LCMT2: variants seen among roughly 807,000 people sequenced by gnomAD.
LCMT2 encodes leucine carboxyl methyltransferase 2.
A neutral mutation model predicts 42.0 loss-of-function variants in LCMT2; 34 were observed. That is an observed-to-expected ratio of 0.81 (90% CI 0.62 to 1.08). The LOEUF (loss-of-function observed/expected upper bound fraction) is 1.08, where lower values mean the gene tolerates loss of function less well. LCMT2 is among the 50% of genes least tolerant of loss of function. The probability of loss-of-function intolerance (pLI) is 0.00; values close to 1 mark genes in which losing one functional copy is unlikely to be tolerated. For missense variants in LCMT2, 1,091 were observed against 889.4 expected (o/e 1.23, Z -2.88); for synonymous variants, 445 against 369.5 (o/e 1.20, Z -2.34).
Position 43,328,113 on chromosome 15 carries a change from A to G in LCMT2, c.*316T>C, listed in dbSNP as rs180784740. The G allele has an allele frequency of 1.4e-4, 35 of 254,020 alleles. 1 individual carries two copies. The East Asian group carries it at 2.7e-3, about 20-fold the overall frequency. The allele number at this position is 254,020 out of a possible 1,614,324, so 15.7% of individuals were successfully genotyped here. On this transcript the variant is annotated 3_prime_UTR_variant, in exon 1 of 1. Coordinates refer to ENST00000305641, the MANE Select transcript of LCMT2 (RefSeq NM_014793.5). ...TTTCTAAGGTACCATCTCAAATCAC[A>G]AGGCCTGGGATTGGGAAATTGTTTT...
rs761233531 is a variant in LCMT2 at position 43,327,379 on chromosome 15, T to C, written c.*1050A>G. ...TCACATGTTGTCAATAGCTACCACATTGGACAGTACAGTTCAGGTCTAGCA... is the reference window on the plus strand; with the variant it reads ...TCACATGTTGTCAATAGCTACCACACTGGACAGTACAGTTCAGGTCTAGCA... On this transcript the variant is annotated 3_prime_UTR_variant, in exon 1 of 1. Transcript: ENST00000305641. 2.0e-5 allele frequency: 3 copies of C among 152,252 alleles called. No homozygotes were observed. Among genetic ancestry groups the C allele is most frequent in the Non-Finnish European group, 4.4e-5 (3 of 68,052 alleles). 9.4% of individuals were successfully genotyped at this position (152,252 alleles called of 1,614,324 possible).
rs1013473130 is a variant in LCMT2, at chr15:43,330,349, G to T, written c.141C>A (p.Arg47=). 1 of 1,601,890 alleles carries T rather than the reference G, an allele frequency of 6.2e-7. No homozygotes were observed. The highest frequency in any genetic ancestry group is 8.5e-7 in the Non-Finnish European group (1 of 1,178,000). Residue 47 remains arginine, a synonymous_variant, in exon 1 of 1, where the codon CGC becomes CGA. Coordinates refer to ENST00000305641, the MANE Select transcript of LCMT2 (RefSeq NM_014793.5). Reference sequence around the variant, plus strand: ...AGCCTCGGTGAATGAGCGGTGCGCGGCGCGCCGCGCCCGGAACCAGCAACG... The same window carrying T: ...AGCCTCGGTGAATGAGCGGTGCGCGTCGCGCCGCGCCCGGAACCAGCAACG... ...FAALLVPGAA[R]RAPLIHRGYY...
Position 43,327,442 on chromosome 15 carries a change from T to C in LCMT2, c.*987A>G, listed in dbSNP as rs1454178465. On this transcript the variant is annotated 3_prime_UTR_variant, in exon 1 of 1. Coordinates refer to ENST00000305641, the MANE Select transcript of LCMT2 (RefSeq NM_014793.5). Reference sequence around the variant, plus strand: ...AACTCCTAGGCCTGAAAAGGTGAAGTAAAGGAACAATTACTGAAACCTGGG... The same window carrying C: ...AACTCCTAGGCCTGAAAAGGTGAAGCAAAGGAACAATTACTGAAACCTGGG... 1 of 152,150 alleles carries C rather than the reference T, an allele frequency of 6.6e-6. No homozygotes were observed. The highest frequency in any genetic ancestry group is 2.4e-5 in the African/African-American group (1 of 41,414). The allele number at this position is 152,150 out of a possible 1,614,324, so 9.4% of individuals were successfully genotyped here. A position where few individuals can be genotyped will look rare whatever the true frequency, so the allele number is the denominator to read the frequency against.
At position 43,330,499 on chromosome 15, in the gene LCMT2, A is replaced by G. The variant is rs551680990; in HGVS notation, c.-10T>C. ...GGCTCCGGGGGCCCATGGCCAGAAGAGACTCAGGAATGGCAGTCTGTCACG... is the reference window on the plus strand; with the variant it reads ...GGCTCCGGGGGCCCATGGCCAGAAGGGACTCAGGAATGGCAGTCTGTCACG... On this transcript the variant is annotated 5_prime_UTR_variant, in exon 1 of 1. Transcript: ENST00000305641. 11 of 1,513,836 alleles carry G rather than the reference A, an allele frequency of 7.3e-6. No homozygotes were observed. The Admixed American group carries it at 2.1e-4, about 29-fold the overall frequency. The allele number at this position is 1,513,836 out of a possible 1,614,324, so 93.8% of individuals were successfully genotyped here. A position where few individuals can be genotyped will look rare whatever the true frequency, so the allele number is the denominator to read the frequency against.
chr15:43,329,676 T>G lies in LCMT2; in HGVS notation c.814A>C (p.Asn272His). 1 of 1,613,668 alleles carries G rather than the reference T, an allele frequency of 6.2e-7. No homozygotes were observed. The highest frequency in any genetic ancestry group is 8.5e-7 in the Non-Finnish European group (1 of 1,179,990). ...GWTACGAVDMNEFYHCFLPAE... is the reference protein window; with the variant it reads ...GWTACGAVDMHEFYHCFLPAE... ...GGAAGAAAGCAGTGATAGAATTCAT[T>G]CATGTCCACGGCACCGCAGGCGGTC... Residue 272 changes from asparagine to histidine, a missense_variant, in exon 1 of 1, where the codon AAT becomes CAT. Asn to His is a moderately conservative substitution (Grantham distance 68, BLOSUM62 1). Transcript: ENST00000305641.
In LCMT2 at chr15:43,328,229, G is replaced by C; in HGVS notation, c.*200C>G. 2 of 590,830 alleles carry C rather than the reference G, an allele frequency of 3.4e-6. No homozygotes were observed. Among genetic ancestry groups the C allele is most frequent in the Non-Finnish European group, 5.9e-6 (2 of 340,478 alleles). The allele number at this position is 590,830 out of a possible 1,614,324, so 36.6% of individuals were successfully genotyped here. On this transcript the variant is annotated 3_prime_UTR_variant, in exon 1 of 1. Coordinates refer to ENST00000305641, the MANE Select transcript of LCMT2 (RefSeq NM_014793.5). Reference sequence around the variant, plus strand: ...ACTCCTCTCGGACTGCATGGCCACTGTCTTCAGCTGTTTTCTGTAGTGATT... The same window carrying C: ...ACTCCTCTCGGACTGCATGGCCACTCTCTTCAGCTGTTTTCTGTAGTGATT...
At position 43,325,387 on chromosome 15, in the gene LCMT2, C is replaced by G. The variant is rs889331797; in HGVS notation, c.*3042G>C. ...ACTGTGCAGATTACTGTTAATGAAACTGTGGTTCAACGCTAGTCTATATTG... is the reference window on the plus strand; with the variant it reads ...ACTGTGCAGATTACTGTTAATGAAAGTGTGGTTCAACGCTAGTCTATATTG... On this transcript the variant is annotated 3_prime_UTR_variant, in exon 1 of 1. Transcript: ENST00000305641. 6 of 152,200 alleles carry G rather than the reference C, an allele frequency of 3.9e-5. No homozygotes were observed. The highest frequency in any genetic ancestry group is 1.4e-4 in the African/African-American group (6 of 41,454). 9.4% of individuals were successfully genotyped at this position (152,200 alleles called of 1,614,324 possible).
Position 43,330,335 on chromosome 15 carries a change from A to G in LCMT2, c.155T>C (p.Ile52Thr), listed in dbSNP as rs565844819. ...VPGAARRAPL[I>T]HRGYYVRARA... Reference sequence around the variant, plus strand: ...TGCGCGGACGTAGTAGCCTCGGTGAATGAGCGGTGCGCGGCGCGCCGCGCC... The same window carrying G: ...TGCGCGGACGTAGTAGCCTCGGTGAGTGAGCGGTGCGCGGCGCGCCGCGCC... Residue 52 changes from isoleucine to threonine, a missense_variant, in exon 1 of 1, where the codon ATT (isoleucine) becomes ACT (threonine). Coordinates refer to ENST00000305641, the MANE Select transcript of LCMT2 (RefSeq NM_014793.5). 1.9e-6 allele frequency: 3 copies of G among 1,599,646 alleles called. No individual in the cohort carries two copies. Among genetic ancestry groups the G allele is most frequent in the Admixed American group, 1.7e-5 (1 of 57,828 alleles).
Position 43,330,030 on chromosome 15 carries a change from C to G in LCMT2, c.460G>C (p.Asp154His). ...PASALCFESA[D>H]YCILGLDLRQ... ...AAGTCCAGACCCAGGATGCAGTAGT[C>G]TGCGCTCTCAAAGCACAGCGCGGAC... is the stretch of plus-strand genomic sequence containing the variant. Residue 154 changes from aspartate (D) to histidine (H), a missense_variant, in exon 1 of 1, where the codon GAC becomes CAC. Asp to His is a moderately conservative substitution (Grantham distance 81, BLOSUM62 -1). Transcript: ENST00000305641. The G allele has an allele frequency of 6.2e-7, 1 of 1,612,750 alleles. No homozygotes were observed. Among genetic ancestry groups the G allele is most frequent in the Non-Finnish European group, 8.5e-7 (1 of 1,179,954 alleles).
rs2043114454 is a variant in LCMT2 at position 43,325,723 on chromosome 15, G to C, written c.*2706C>G. 6.6e-6 allele frequency: 1 copy of C among 152,214 alleles called. No homozygotes were observed. The highest frequency in any genetic ancestry group is 2.1e-4 in the South Asian group (1 of 4,816). The allele number at this position is 152,214 out of a possible 1,614,324, so 9.4% of individuals were successfully genotyped here. The stretch of plus-strand genomic sequence containing the variant: ...CTCCTCCCTTCTTTTCCCCCCAAAA[G>C]TAATGAAATAATGGCTGATGGCATG... On this transcript the variant is annotated 3_prime_UTR_variant, in exon 1 of 1. Transcript: ENST00000305641.
rs1051999539 is a variant in LCMT2, at chr15:43,326,752, G to A, written c.*1677C>T. 3 of 152,152 alleles carry A rather than the reference G, an allele frequency of 2.0e-5. No homozygotes were observed. The highest frequency in any genetic ancestry group is 2.0e-4 in the Admixed American group (3 of 15,278). 9.4% of individuals were successfully genotyped at this position (152,152 alleles called of 1,614,324 possible). On this transcript the variant is annotated 3_prime_UTR_variant, in exon 1 of 1. Coordinates refer to ENST00000305641, the MANE Select transcript of LCMT2 (RefSeq NM_014793.5). ...CCCTCATTCAGCTGGTCTCCCCCGG[G>A]GAGGCTTCATCTAACAGAGCCAAGA...
In LCMT2 at chr15:43,330,420, T is replaced by C; in HGVS notation, c.70A>G (p.Lys24Glu). ...QNTNDSSALSKRSLAARGYVQ... is the reference protein window; with the variant it reads ...QNTNDSSALSERSLAARGYVQ... Reference sequence around the variant, plus strand: ...TACCCGCGCGCGGCCAGGGAACGCTTGCTGAGGGCGCTGCTGTCGTTGGTG... The same window carrying C: ...TACCCGCGCGCGGCCAGGGAACGCTCGCTGAGGGCGCTGCTGTCGTTGGTG... The change falls in exon 1 of 1, where the codon AAG becomes GAG. Residue 24 changes from lysine (K) to glutamate (E), a missense_variant. By Grantham distance (56) the Lys-to-Glu change is moderately conservative. Coordinates refer to ENST00000305641, the MANE Select transcript of LCMT2 (RefSeq NM_014793.5). 1 of 1,565,292 alleles carries C rather than the reference T, an allele frequency of 6.4e-7. No homozygotes were observed. The highest frequency in any genetic ancestry group is 1.2e-5 in the South Asian group (1 of 83,218).
In LCMT2 at chr15:43,325,415, T is replaced by C. The variant is rs2043112737; in HGVS notation, c.*3014A>G. The stretch of plus-strand genomic sequence containing the variant: ...TGGTTCAACGCTAGTCTATATTGAA[T>C]GCTGCTCCAAAGGCACAGGGTAAAT... On this transcript the variant is annotated 3_prime_UTR_variant, in exon 1 of 1. Coordinates refer to ENST00000305641, the MANE Select transcript of LCMT2 (RefSeq NM_014793.5). 1 of 152,212 alleles carries C rather than the reference T, an allele frequency of 6.6e-6. No homozygotes were observed. The highest frequency in any genetic ancestry group is 2.4e-5 in the African/African-American group (1 of 41,452). 9.4% of individuals were successfully genotyped at this position (152,212 alleles called of 1,614,324 possible).
chr15:43,328,868 G>C lies in LCMT2; in HGVS notation c.1622C>G (p.Thr541Ser). The change falls in exon 1 of 1, where the codon ACT (threonine) becomes AGT (serine). Residue 541 changes from threonine (T) to serine (S), a missense_variant. By Grantham distance (58) the Thr-to-Ser change is moderately conservative (BLOSUM62 1). Transcript: ENST00000305641. ...PEARHSHSAC[T>S]WQGGALIAGG... The stretch of plus-strand genomic sequence containing the variant: ...AGCAATAAGGGCTCCCCCTTGCCAA[G>C]TGCAGGCACTGTGAGAATGCCGGGC... 2 of 1,613,872 alleles carry C rather than the reference G, an allele frequency of 1.2e-6. No homozygotes were observed.
chr15:43,329,354 T>G lies in LCMT2; in HGVS notation c.1136A>C (p.Gln379Pro), dbSNP rs1416061880. 1 of 1,614,146 alleles carries G rather than the reference T, an allele frequency of 6.2e-7. No individual in the cohort carries two copies. The highest frequency in any genetic ancestry group is 1.7e-5 in the Admixed American group (1 of 60,038). The change falls in exon 1 of 1, where the codon CAG becomes CCG. Residue 379 changes from glutamine to proline, a missense_variant. Physicochemically the swap from Gln to Pro is moderately conservative, Grantham distance 76. Coordinates refer to ENST00000305641, the MANE Select transcript of LCMT2 (RefSeq NM_014793.5). The part of the protein sequence containing the change: ...VILSAGGFGE[Q>P]EGRHCRVSQF... ...GCTCACTCGGCAGTGCCGCCCCTCC[T>G]GCTCTCCAAATCCTCCTGCACTGAG...
In LCMT2 at chr15:43,328,768, C is replaced by A. The variant is rs776599657; in HGVS notation, c.1722G>T (p.Trp574Cys). The A allele has an allele frequency of 2.5e-6, 4 of 1,613,546 alleles. No individual in the cohort carries two copies. Among genetic ancestry groups the A allele is most frequent in the Non-Finnish European group, 3.4e-6 (4 of 1,180,026 alleles). ...FLRPISCGFL[W>C]ESVDIQPPIT... is the part of the protein sequence containing the mutation. ...TGGGAGGCTGGATGTCTACTGACTC[C>A]CAGAGGAATCCACAAGAGATTGGTC... The change falls in exon 1 of 1, where the codon TGG becomes TGT. Residue 574 changes from tryptophan to cysteine, a missense_variant. Coordinates refer to ENST00000305641, the MANE Select transcript of LCMT2 (RefSeq NM_014793.5).
At position 43,327,230 on chromosome 15, in the gene LCMT2, G is replaced by GTT. The variant is rs896830785; in HGVS notation, c.*1198_*1199insAA. 8 of 152,214 alleles carry GTT rather than the reference G, an allele frequency of 5.3e-5. No individual in the cohort carries two copies. The highest frequency in any genetic ancestry group is 1.7e-4 in the African/African-American group (7 of 41,452). 9.4% of individuals were successfully genotyped at this position (152,214 alleles called of 1,614,324 possible). ...TCAGCAGTGTCCAGTAGAAATTTCTGTAACGATGAAATGTTCTACATCTAC... is the reference window on the plus strand; with the variant it reads ...TCAGCAGTGTCCAGTAGAAATTTCTGTTTAACGATGAAATGTTCTACATCTAC... On this transcript the variant is annotated 3_prime_UTR_variant, in exon 1 of 1. Coordinates refer to ENST00000305641, the MANE Select transcript of LCMT2 (RefSeq NM_014793.5).
chr15:43,328,262 G>C lies in LCMT2; in HGVS notation c.*167C>G, dbSNP rs780242644. On this transcript the variant is annotated 3_prime_UTR_variant, in exon 1 of 1. Coordinates refer to ENST00000305641, the MANE Select transcript of LCMT2 (RefSeq NM_014793.5). ...CTGTTTTCTGTAGTGATTGTTTCTA[G>C]GTATTTTACCTATTTTACCAACCTT... 4.4e-6 allele frequency: 3 copies of C among 676,190 alleles called. No individual in the cohort carries two copies. Among genetic ancestry groups the C allele is most frequent in the South Asian group, 2.0e-5 (1 of 50,858 alleles). The allele number at this position is 676,190 out of a possible 1,614,324, so 41.9% of individuals were successfully genotyped here. A position where few individuals can be genotyped will look rare whatever the true frequency, so the allele number is the denominator to read the frequency against.
Position 43,330,506 on chromosome 15 carries a change from G to C in LCMT2, c.-17C>G. The C allele has an allele frequency of 6.6e-7, 1 of 1,512,592 alleles. No individual in the cohort carries two copies. The highest frequency in any genetic ancestry group is 8.8e-7 in the Non-Finnish European group (1 of 1,134,646). 93.7% of individuals were successfully genotyped at this position (1,512,592 alleles called of 1,614,324 possible). ...GGGGCCCATGGCCAGAAGAGACTCA[G>C]GAATGGCAGTCTGTCACGGTTGTGA... On this transcript the variant is annotated 5_prime_UTR_variant, in exon 1 of 1. Coordinates refer to ENST00000305641, the MANE Select transcript of LCMT2 (RefSeq NM_014793.5).
Sources: gnomAD v4.1 joint callset for allele counts on GRCh38, gnomAD v4.1.1 for gene constraint, MANE v1.5 for transcripts, NCBI Gene and HGNC (gene_info 2026-07-23, HGNC 2026-07-21) for gene names.